Variants in PITPNM2 observed in about 807,000 individuals in gnomAD.
The protein encoded by PITPNM2 is membrane-associated phosphatidylinositol transfer protein 2.
In PITPNM2, 35 loss-of-function variants were observed where a neutral mutation model predicts 132.2. That is an observed-to-expected ratio of 0.26 (90% CI 0.20 to 0.35). PITPNM2 has a LOEUF of 0.35. Ranked by LOEUF, PITPNM2 falls within the 10% of genes least tolerant of loss-of-function variation. The pLI, the probability that PITPNM2 is intolerant of heterozygous loss-of-function variation, is 1.00. For synonymous variants in PITPNM2, 738 were observed against 799.2 expected (o/e 0.92, Z 1.29); for missense variants, 1,332 against 1,912.0 (o/e 0.70, Z 5.66).
rs1001943695 is a variant in PITPNM2 at position 122,984,034 on chromosome 12, T to TG, written c.*1992dup. The TG allele has an allele frequency of 1.4e-4, 22 of 152,792 alleles. No individual in the cohort carries two copies. Among genetic ancestry groups the TG allele is most frequent in the East Asian group, 1.9e-4 (1 of 5,178 alleles). 9.5% of individuals were successfully genotyped at this position (152,792 alleles called of 1,614,324 possible). A position where few individuals can be genotyped will look rare whatever the true frequency, so the allele number is the denominator to read the frequency against. On this transcript the variant is annotated 3_prime_UTR_variant, in exon 26 of 26. Coordinates refer to ENST00000320201, the MANE Select transcript of PITPNM2 (RefSeq NM_020845.3). Reference sequence around the variant, plus strand: ...ACCTGGATACAGAAGAGACTTCCCATGGGGGGGCAGGCTGCCCACCTTGCC... The same window carrying TG: ...ACCTGGATACAGAAGAGACTTCCCATGGGGGGGGCAGGCTGCCCACCTTGCC...
At chr12:123,033,380 T>C (rs1195901410) in intron 3 of PITPNM2, among the ~76,000 whole-genome samples, 1 of 152,214 alleles carries the variant, frequency 6.6e-6, no homozygotes, top group African/African-American at 2.4e-5. Flanking sequence ...CAGCCAGGAC[T>C]GCAGCAAGTG....
In PITPNM2 at chr12:122,994,989, CA is replaced by C; in HGVS notation, c.2055-11del. On this transcript the variant is annotated splice_polypyrimidine_tract_variant and intron_variant, in intron 14 of 25. Transcript: ENST00000320201. The surrounding 1 kb of genome is among the most constrained non-coding windows in gnomAD (Gnocchi z 5.4). ...CACGCTGGCATGGAGGCTGCAGACCCAAATAAGACTTAGCTGTCATGTGGGT... is the reference window on the plus strand; with the variant it reads ...CACGCTGGCATGGAGGCTGCAGACCCAATAAGACTTAGCTGTCATGTGGGT... 6.3e-7 allele frequency: 1 copy of C among 1,592,092 alleles called. No homozygotes were observed.
intron 13 of PITPNM2, 40 bp downstream of exon 13, chr12:122,996,418 C>T (rs765824455): frequency 6.2e-7 from 1 of 1,609,968 alleles, no homozygotes; most frequent in Admixed American, 1.7e-5. Flanking sequence ...GTGCAGGAGG[C>T]TTCAGGCCTT....
intron 2 of PITPNM2, among the ~76,000 whole-genome samples, chr12:123,059,919 A>G (rs1372824057): frequency 6.6e-6 from 1 of 152,184 alleles, no homozygotes; most frequent in Non-Finnish European, 1.5e-5. Flanking sequence ...TCTTGTATGC[A>G]TACTATATGC....
intron 2 of PITPNM2, among the ~76,000 whole-genome samples, chr12:123,071,531 C>G (rs1035676440): frequency 6.6e-6 from 1 of 152,208 alleles, no homozygotes; most frequent in Non-Finnish European, 1.5e-5. Flanking sequence ...GATGATCACA[C>G]CTCCTGACAG....
chr12:123,027,965 G>A (rs576043553), intron 3 of PITPNM2, among the ~76,000 whole-genome samples: 106 of 152,358 alleles, frequency 7.0e-4, no homozygotes, highest in Non-Finnish European at 1.3e-3. Context: ...CACATGAGCA[G>A]CCACCCCCTC....
At chr12:123,133,110 T>A (rs2043303005) in intron 1 of PITPNM2, among the ~76,000 whole-genome samples, 1 of 152,198 alleles carries the variant, frequency 6.6e-6, no homozygotes, top group Non-Finnish European at 1.5e-5. Context: ...GAATTTTGTG[T>A]TTAACCACTT....
intron 8 of PITPNM2, among the ~76,000 whole-genome samples, chr12:123,001,360 G>A (rs2038669731): frequency 6.6e-6 from 1 of 152,188 alleles, no homozygotes. Context: ...CATTTATAAA[G>A]TGGCATTTAG....
intron 2 of PITPNM2, among the ~76,000 whole-genome samples, chr12:123,073,755 G>C (rs184699366): frequency 6.6e-6 from 1 of 152,200 alleles, no homozygotes; most frequent in Non-Finnish European, 1.5e-5. Flanking sequence ...ACAGTGTAGA[G>C]TGGCCTCGTA....
In PITPNM2 at chr12:122,997,256, C is replaced by CTGAG. The variant is rs140576853; in HGVS notation, c.1472+65_1472+68dup. ...AGGAGTCCTGAAACTGGGGAGCCAC[C>CTGAG]TGAGGCCCAGGGGTAGGAGGAGGAC... On this transcript the variant is annotated intron_variant, in intron 11 of 25. Coordinates refer to ENST00000320201, the MANE Select transcript of PITPNM2 (RefSeq NM_020845.3). 2.7e-4 allele frequency: 428 copies of CTGAG among 1,594,940 alleles called. 3 individuals carry two copies. The African/African-American group carries it at 5.0e-3, about 19-fold the overall frequency.
At chr12:122,998,372 C>T (rs993484963) in intron 10 of PITPNM2, among the ~76,000 whole-genome samples, 1 of 152,158 alleles carries the variant, frequency 6.6e-6, no homozygotes, top group Non-Finnish European at 1.5e-5. Context: ...GTAGGGGCTG[C>T]GAACTGCTCC....
intron 2 of PITPNM2, among the ~76,000 whole-genome samples, chr12:123,093,902 C>T (rs1055834215): frequency 1.3e-5 from 2 of 152,214 alleles, no homozygotes; most frequent in African/African-American, 2.4e-5. Context: ...CCACCAGAAC[C>T]CCCTGGGCAG....
At chr12:122,998,593 G>A (rs975785199) in intron 10 of PITPNM2, among the ~76,000 whole-genome samples, 3 of 152,198 alleles carry the variant, frequency 2.0e-5, no homozygotes, top group African/African-American at 7.2e-5. Flanking sequence ...AGTACTTGCT[G>A]TGTCCATATG....
intron 3 of PITPNM2, among the ~76,000 whole-genome samples, chr12:123,019,822 A>C (rs2039596600): frequency 1.3e-5 from 2 of 152,188 alleles, no homozygotes; most frequent in African/African-American, 4.8e-5. Flanking sequence ...AACAACTATC[A>C]TGTGATTAGA....
At chr12:123,074,546 C>T (rs1566279596) in intron 2 of PITPNM2, among the ~76,000 whole-genome samples, 1 of 151,888 alleles carries the variant, frequency 6.6e-6, no homozygotes, top group Admixed American at 6.6e-5. Flanking sequence ...TATACACCCC[C>T]CACATGAGCA....
At chr12:123,143,380 C>T (rs917001319) in intron 1 of PITPNM2, among the ~76,000 whole-genome samples, 2 of 152,146 alleles carry the variant, frequency 1.3e-5, no homozygotes, top group African/African-American at 4.8e-5. Context: ...CCCCCAGCTG[C>T]CAAAAGAGAA....
chr12:123,104,766 C>T (rs2042660284), intron 2 of PITPNM2, among the ~76,000 whole-genome samples: 2 of 152,202 alleles, frequency 1.3e-5, no homozygotes, highest in Admixed American at 1.3e-4. Flanking sequence ...CACACAAAGC[C>T]TGTTTGGTGG....
At chr12:123,146,122 T>G (rs868237728) in intron 1 of PITPNM2, among the ~76,000 whole-genome samples, 3 of 151,568 alleles carry the variant, frequency 2.0e-5, no homozygotes, top group African/African-American at 2.4e-5. Context: ...CACGGACACA[T>G]AGAGGGGGGT....
At chr12:123,014,891 A>G (rs1273725384) in intron 3 of PITPNM2, among the ~76,000 whole-genome samples, 2 of 152,260 alleles carry the variant, frequency 1.3e-5, no homozygotes, top group East Asian at 3.8e-4. Flanking sequence ...AAAATGACAC[A>G]TAGAAATGAA....
Sources: gnomAD v4.1 joint callset for allele counts (sites outside exome capture counted in the v4.1 genomes callset) on GRCh38, gnomAD v4.1.1 for gene constraint, Gnocchi (gnomAD v3.1) non-coding constraint, MANE v1.5 for transcripts, NCBI Gene and HGNC (gene_info 2026-07-23, HGNC 2026-07-21) for gene names.